The following GAL3ST2 variants were observed in gnomAD, a reference collection of about 807,000 sequenced individuals.
GAL3ST2 encodes beta-galactose-3-O-sulfotransferase 2.
GAL3ST2 carries 16 observed loss-of-function variants against 12.9 expected under a neutral mutation model. The ratio of observed to expected loss-of-function variants is 1.24; its 90% CI spans 0.84 to 1.88. GAL3ST2 has a LOEUF of 1.88. Ranked by LOEUF, GAL3ST2 falls within the 40% of genes most tolerant of loss-of-function variation. The probability of loss-of-function intolerance (pLI) is 0.00; values close to 1 mark genes in which losing one functional copy is unlikely to be tolerated. For missense variants in GAL3ST2, 639 were observed against 571.8 expected, an observed-to-expected ratio of 1.12 and a Z score of -1.20; for synonymous variants, 302 against 273.9, an observed-to-expected ratio of 1.10 and a Z score of -1.01.
In GAL3ST2 at chr2:241,799,732, C is replaced by T. The variant is rs537648534; in HGVS notation, c.119+578C>T. Among the ~76,000 whole-genome samples the T allele has an allele frequency of 5.3e-5, 8 of 152,332 alleles. No homozygotes were observed. The East Asian group carries it at 7.7e-4, about 15-fold the overall frequency. On this transcript the variant is annotated intron_variant, in intron 2 of 3. Coordinates refer to ENST00000192314, the MANE Select transcript of GAL3ST2 (RefSeq NM_022134.3). ...CTGGTTGGAGGAGACAGAGGAAGCA[C>T]CAATCCCTCTGGGCCGAGCTGCCAG...
At chr2:241,785,937 AT>A (rs1482028943) in intron 1 of GAL3ST2, among the ~76,000 whole-genome samples, 4 of 152,172 alleles carry the variant, frequency 2.6e-5, no homozygotes, top group Non-Finnish European at 5.9e-5. Flanking sequence ...CTTTAAAAAA[AT>A]GTTTTTAAAT....
At chr2:241,785,858 A>G (rs1699621127) in intron 1 of GAL3ST2, among the ~76,000 whole-genome samples, 1 of 117,914 alleles carries the variant, frequency 8.5e-6, no homozygotes, top group Non-Finnish European at 2.0e-5. Context: ...CCTTTTAAAT[A>G]CACACACACA....
chr2:241,786,731 G>A (rs1312579148), intron 1 of GAL3ST2, among the ~76,000 whole-genome samples: 1 of 152,190 alleles, frequency 6.6e-6, no homozygotes, highest in Admixed American at 6.5e-5. Flanking sequence ...ATTGGTTTGA[G>A]CCATAAAGTT....
intron 1 of GAL3ST2, among the ~76,000 whole-genome samples, chr2:241,787,299 C>T (rs1022953777): frequency 6.6e-6 from 1 of 152,114 alleles, no homozygotes; most frequent in Non-Finnish European, 1.5e-5. Flanking sequence ...TCAACCTTGG[C>T]GCAATAAGCT....
intron 2 of GAL3ST2, 71 bp downstream of exon 2, chr2:241,799,225 C>G (rs1699814426): frequency 1.5e-6 from 2 of 1,356,368 alleles, no homozygotes; most frequent in Middle Eastern, 1.8e-4. Context: ...AGCCTGGGAC[C>G]CCAGCATGAT....
Position 241,779,214 on chromosome 2 carries a change from ATTTTTTTTTTTTTTT to A in GAL3ST2, c.29+2253_29+2267del, listed in dbSNP as rs56979777. 5.1e-4 allele frequency among the ~76,000 whole-genome samples: 28 copies of A among 54,546 alleles called. 1 individual carries two copies. The highest frequency in any genetic ancestry group is 0.014 in the Middle Eastern group (1 of 72). 35.8% of individuals were successfully genotyped at this position (54,546 alleles called of 152,430 possible). On this transcript the variant is annotated intron_variant, in intron 1 of 3. Transcript: ENST00000192314. ...AGGTCCTGAGTTACTAGGAAAGCTC[ATTTTTTTTTTTTTTT>A]TTTTTTTTTTTTTTTTTTTTTTGAG... is the stretch of plus-strand genomic sequence containing the variant.
Position 241,801,960 on chromosome 2 carries a change from C to A in GAL3ST2, c.299C>A (p.Ala100Glu), listed in dbSNP as rs376256085. ...CTGGGCTACCCCTGGCTCTTCCTGG[C>A]GCGCTACGTGGAAGGCGTGGGGTCG... Reference protein sequence around the residue: ...VHLGYPWLFLARYVEGVGSQQ... With the variant: ...VHLGYPWLFLERYVEGVGSQQ... The change falls in exon 3 of 4, where the codon GCG becomes GAG. Residue 100 changes from alanine (A) to glutamate (E), a missense_variant. Physicochemically the swap from Ala to Glu is moderately radical, Grantham distance 107 (BLOSUM62 -1). Coordinates refer to ENST00000192314, the MANE Select transcript of GAL3ST2 (RefSeq NM_022134.3). The surrounding 1 kb of genome is among the most constrained non-coding windows in gnomAD (Gnocchi z 4.4). 1.2e-6 allele frequency: 2 copies of A among 1,613,022 alleles called. No homozygotes were observed. The highest frequency in any genetic ancestry group is 1.7e-6 in the Non-Finnish European group (2 of 1,179,932).
At position 241,803,818 on chromosome 2, in the gene GAL3ST2, C is replaced by A. The variant is rs767616414; in HGVS notation, c.849C>A (p.Tyr283Ter). 19 of 1,493,608 alleles carry A rather than the reference C, an allele frequency of 1.3e-5. No homozygotes were observed. The East Asian group carries it at 4.2e-4, about 33-fold the overall frequency. 92.5% of individuals were successfully genotyped at this position (1,493,608 alleles called of 1,614,324 possible). ...RSWCALDWRL[Y>*]EHFNRTLWAQ... The stretch of plus-strand genomic sequence containing the variant: ...GGTGCGCGCTGGACTGGCGCCTGTA[C>A]GAGCATTTCAACCGCACCCTCTGGG... The change falls in exon 4 of 4, where the codon TAC becomes TAA. Residue 283 changes from tyrosine (Y) to a stop codon, truncating the protein, a stop_gained. Coordinates refer to ENST00000192314, the MANE Select transcript of GAL3ST2 (RefSeq NM_022134.3). LOFTEE classifies it low-confidence loss of function (END_TRUNC).
intron 1 of GAL3ST2, among the ~76,000 whole-genome samples, chr2:241,796,347 T>A (rs1404643603): frequency 6.6e-6 from 1 of 152,074 alleles, no homozygotes; most frequent in Non-Finnish European, 1.5e-5. Flanking sequence ...CCAGAGCTCC[T>A]TGGAGACATG....
At position 241,801,762 on chromosome 2, in the gene GAL3ST2, C is replaced by T. The variant is rs778971076; in HGVS notation, c.120-19C>T. ...GCATCTGCACCCTTGCTGAAGGCTG[C>T]GTGTGCCTTCCCTCCCAGCCTGTTT... On this transcript the variant is annotated intron_variant, in intron 2 of 3. Coordinates refer to ENST00000192314, the MANE Select transcript of GAL3ST2 (RefSeq NM_022134.3). This position sits in a 1 kb window ranked among gnomAD's most constrained non-coding sequence, Gnocchi z 4.4. The T allele has an allele frequency of 1.6e-5, 25 of 1,608,140 alleles. No individual in the cohort carries two copies. In the Admixed American group the frequency reaches 3.7e-4, roughly 24 times the overall value.
chr2:241,787,975 C>G (rs73011956), intron 1 of GAL3ST2, among the ~76,000 whole-genome samples: 1 of 152,034 alleles, frequency 6.6e-6, no homozygotes, highest in Admixed American at 6.5e-5. Context: ...GGGGGAAGAA[C>G]GATCAAACAT....
At position 241,795,151 on chromosome 2, in the gene GAL3ST2, C is replaced by T. The variant is rs559585846; in HGVS notation, c.30-3914C>T. ...GCCCCACGGTGCTCTGGGTCGGTCA[C>T]GGGCACCTGTGGCTGGGCTCACCTC... On this transcript the variant is annotated intron_variant, in intron 1 of 3. Coordinates refer to ENST00000192314, the MANE Select transcript of GAL3ST2 (RefSeq NM_022134.3). The surrounding 1 kb of genome is among the most constrained non-coding windows in gnomAD (Gnocchi z 4.5). Among the ~76,000 whole-genome samples the T allele has an allele frequency of 1.4e-4, 21 of 152,196 alleles. No homozygotes were observed. The highest frequency in any genetic ancestry group is 3.4e-3 in the Middle Eastern group (1 of 294).
intron 1 of GAL3ST2, among the ~76,000 whole-genome samples, chr2:241,789,802 G>A (rs1450294117): frequency 6.6e-6 from 1 of 152,046 alleles, no homozygotes; most frequent in Non-Finnish European, 1.5e-5. Context: ...AGAGGTTTCA[G>A]TGTGCCGAGA....
chr2:241,800,855 G>A lies in GAL3ST2; in HGVS notation c.120-926G>A, dbSNP rs1161080513. On this transcript the variant is annotated intron_variant, in intron 2 of 3. Transcript: ENST00000192314. This position sits in a 1 kb window ranked among gnomAD's most constrained non-coding sequence, Gnocchi z 5.2. ...AAATAAGTGCAGCGTGTGTGACTTC[G>A]CCCCTGCCCGGCATGGCCTCAGGTC... The A allele has an allele frequency of 1.3e-5, 2 of 152,188 alleles. No individual in the cohort carries two copies. The highest frequency in any genetic ancestry group is 2.9e-5 in the Non-Finnish European group (2 of 68,028). The allele number at this position is 152,188 out of a possible 1,614,324, so 9.4% of individuals were successfully genotyped here.
chr2:241,799,593 C>T (rs1699818115), intron 2 of GAL3ST2, among the ~76,000 whole-genome samples: 1 of 152,220 alleles, frequency 6.6e-6, no homozygotes, highest in African/African-American at 2.4e-5. Flanking sequence ...TGTGGAGCCC[C>T]TGCTGCATGG....
Position 241,802,124 on chromosome 2 carries a change from A to T in GAL3ST2, c.375+88A>T. The T allele has an allele frequency of 8.7e-6, 11 of 1,268,482 alleles. No homozygotes were observed. The highest frequency in any genetic ancestry group is 4.6e-5 in the African/African-American group (3 of 65,338). The allele number at this position is 1,268,482 out of a possible 1,614,324, so 78.6% of individuals were successfully genotyped here. A position where few individuals can be genotyped will look rare whatever the true frequency, so the allele number is the denominator to read the frequency against. On this transcript the variant is annotated intron_variant, in intron 3 of 3. Transcript: ENST00000192314. This position sits in a 1 kb window ranked among gnomAD's most constrained non-coding sequence, Gnocchi z 4.8. ...TGGTGTAGCCTGGAGGCTGGAGAGA[A>T]GGAGTGTAAGGCTTGGGGGCGGGGC...
chr2:241,793,633 T>C lies in GAL3ST2; in HGVS notation c.30-5432T>C, dbSNP rs111209981. Among the ~76,000 whole-genome samples, 1 of 149,992 alleles carries C rather than the reference T, an allele frequency of 6.7e-6. No homozygotes were observed. Among genetic ancestry groups the C allele is most frequent in the African/African-American group, 2.5e-5 (1 of 40,196 alleles). The stretch of plus-strand genomic sequence containing the variant: ...TGTATTGTGTGTGTACATATTGTGT[T>C]TGTGTGTACATATTGTGTATGCATA... On this transcript the variant is annotated intron_variant, in intron 1 of 3. Coordinates refer to ENST00000192314, the MANE Select transcript of GAL3ST2 (RefSeq NM_022134.3). The surrounding 1 kb of genome is among the most constrained non-coding windows in gnomAD (Gnocchi z 4.7).
chr2:241,802,109 T>C lies in GAL3ST2; in HGVS notation c.375+73T>C, dbSNP rs1699859378. ...GGCTGTGGGTCTGGGTGGTGTAGCCTGGAGGCTGGAGAGAAGGAGTGTAAG... is the reference window on the plus strand; with the variant it reads ...GGCTGTGGGTCTGGGTGGTGTAGCCCGGAGGCTGGAGAGAAGGAGTGTAAG... On this transcript the variant is annotated intron_variant, in intron 3 of 3. Coordinates refer to ENST00000192314, the MANE Select transcript of GAL3ST2 (RefSeq NM_022134.3). The surrounding 1 kb of genome is among the most constrained non-coding windows in gnomAD (Gnocchi z 4.8). 1.4e-6 allele frequency: 2 copies of C among 1,480,912 alleles called. No homozygotes were observed. Among genetic ancestry groups the C allele is most frequent in the African/African-American group, 1.4e-5 (1 of 71,004 alleles). The allele number at this position is 1,480,912 out of a possible 1,614,324, so 91.7% of individuals were successfully genotyped here.
chr2:241,792,820 T>G (rs1297641677), intron 1 of GAL3ST2, among the ~76,000 whole-genome samples: 1 of 152,328 alleles, frequency 6.6e-6, no homozygotes, highest in Non-Finnish European at 1.5e-5. Flanking sequence ...AGCTGGGAAC[T>G]GCTCAGGGCA....
Sources: gnomAD v4.1 joint callset for allele counts (sites outside exome capture counted in the v4.1 genomes callset) on GRCh38, gnomAD v4.1.1 for gene constraint, Gnocchi (gnomAD v3.1) non-coding constraint, MANE v1.5 for transcripts, NCBI Gene and HGNC (gene_info 2026-07-23, HGNC 2026-07-21) for gene names.